The following PRKG1 variants were observed in gnomAD, a reference collection of about 807,000 sequenced individuals.
PRKG1 encodes protein kinase cGMP-dependent 1.
Under a neutral mutation model 88.1 loss-of-function variants are expected in PRKG1, and 35 were observed. The observed-to-expected ratio is 0.40, with a 90% confidence interval of 0.30 to 0.53. The LOEUF (loss-of-function observed/expected upper bound fraction) is 0.53, where lower values mean the gene tolerates loss of function less well. Ranked by LOEUF, PRKG1 falls within the 20% of genes least tolerant of loss-of-function variation. PRKG1 has a pLI of 0.59. For missense variants in PRKG1, 540 were observed against 839.8 expected, an observed-to-expected ratio of 0.64 and a Z score of 4.41; for synonymous variants, 303 against 292.5, an observed-to-expected ratio of 1.04 and a Z score of -0.37.
intron 3 of PRKG1, among the ~76,000 whole-genome samples, chr10:51,596,107 G>A (rs137942730): frequency 0.011 from 1,748 of 152,268 alleles, 19 homozygotes; most frequent in Non-Finnish European, 0.019. Context: ...GGGATTACAG[G>A]CGTGAGTCAC....
intron 2 of PRKG1, among the ~76,000 whole-genome samples, chr10:51,256,836 A>G (rs1228207105): frequency 6.6e-6 from 1 of 152,136 alleles, no homozygotes; most frequent in Non-Finnish European, 1.5e-5. Context: ...AAGACGTTGG[A>G]CTATGGGGGA....
intron 2 of PRKG1, among the ~76,000 whole-genome samples, chr10:51,179,790 C>A (rs1837297379): frequency 6.6e-6 from 1 of 152,106 alleles, no homozygotes; most frequent in East Asian, 1.9e-4. Context: ...GCCAAAAGTT[C>A]CAGTGCTTGT....
At chr10:52,031,814 G>A (rs947692419) in intron 5 of PRKG1, among the ~76,000 whole-genome samples, 4 of 152,152 alleles carry the variant, frequency 2.6e-5, no homozygotes, top group Non-Finnish European at 5.9e-5. Context: ...CTATGTTAAG[G>A]ATGATCTTTA....
chr10:51,146,017 A>AACAAACG (rs1845938670), intron 1 of PRKG1, among the ~76,000 whole-genome samples: 5 of 151,556 alleles, frequency 3.3e-5, no homozygotes, highest in Admixed American at 2.0e-4. Flanking sequence ...AAATACGAAA[A>AACAAACG]AACAAACAAA....
intron 5 of PRKG1, among the ~76,000 whole-genome samples, chr10:52,013,631 T>G (rs935941759): frequency 2.0e-5 from 3 of 152,198 alleles, no homozygotes; most frequent in African/African-American, 7.2e-5. Flanking sequence ...GAGTCTGATT[T>G]GCTTTGAGCA....
At chr10:52,292,559 G>C (rs1019029941) in intron 17 of PRKG1, among the ~76,000 whole-genome samples, 13 of 148,324 alleles carry the variant, frequency 8.8e-5, no homozygotes, top group African/African-American at 1.2e-4. Flanking sequence ...GTTTGTCAAA[G>C]ATCAGATAGT....
chr10:51,194,225 CT>C (rs74554781), intron 2 of PRKG1, among the ~76,000 whole-genome samples: 11 of 148,032 alleles, frequency 7.4e-5, no homozygotes, highest in South Asian at 2.2e-4. Flanking sequence ...CAAGGTTCAA[CT>C]TTTTTTTTAG....
intron 4 of PRKG1, among the ~76,000 whole-genome samples, chr10:51,895,551 G>A (rs983589401): frequency 8.5e-5 from 13 of 152,138 alleles, no homozygotes; most frequent in African/African-American, 3.1e-4. Context: ...GATTTTGGTA[G>A]ACAAAGCTTG....
intron 3 of PRKG1, among the ~76,000 whole-genome samples, chr10:51,556,775 T>C (rs182895294): frequency 6.6e-6 from 1 of 152,144 alleles, no homozygotes; most frequent in East Asian, 1.9e-4. Flanking sequence ...TTGGGTACTA[T>C]GGTCACTACC....
intron 3 of PRKG1, among the ~76,000 whole-genome samples, chr10:51,737,383 C>T (rs1460861248): frequency 6.6e-6 from 1 of 152,178 alleles, no homozygotes; most frequent in Non-Finnish European, 1.5e-5. Flanking sequence ...TTGAAAATGC[C>T]TATTATCTAC....
intron 3 of PRKG1, among the ~76,000 whole-genome samples, chr10:51,688,798 T>G (rs1356515931): frequency 6.6e-6 from 1 of 152,082 alleles, no homozygotes; most frequent in African/African-American, 2.4e-5. Context: ...TCAATCTATA[T>G]AAAACAAAAA....
In PRKG1 at chr10:51,202,515, A is replaced by C. The variant is rs575772327; in HGVS notation, c.478+49185A>C. On this transcript the variant is annotated intron_variant, in intron 2 of 17. Transcript: ENST00000373980. ...TTCCTATCTCAGGCTTTGCCTCAAGAAAACCCCATTTTAGACAGATATACA... is the reference window on the plus strand; with the variant it reads ...TTCCTATCTCAGGCTTTGCCTCAAGCAAACCCCATTTTAGACAGATATACA... 2.0e-5 allele frequency among the ~76,000 whole-genome samples: 3 copies of C among 152,336 alleles called. No homozygotes were observed. The East Asian group carries it at 5.8e-4, about 29-fold the overall frequency.
At chr10:51,409,804 A>C (rs994983456) in intron 2 of PRKG1, among the ~76,000 whole-genome samples, 2 of 132,668 alleles carry the variant, frequency 1.5e-5, no homozygotes, top group Non-Finnish European at 3.1e-5. Context: ...CAGTGATTGG[A>C]GATTGTGCCA....
intron 3 of PRKG1, among the ~76,000 whole-genome samples, chr10:51,768,998 C>T (rs1838238842): frequency 6.6e-6 from 1 of 152,128 alleles, no homozygotes; most frequent in African/African-American, 2.4e-5. Flanking sequence ...GGATAAAAAC[C>T]TAGGACAAAG....
chr10:51,871,036 G>C (rs766625641), intron 4 of PRKG1, among the ~76,000 whole-genome samples: 1 of 152,222 alleles, frequency 6.6e-6, no homozygotes, highest in Non-Finnish European at 1.5e-5. Flanking sequence ...GAAGGTAATT[G>C]TTTACTATAC....
At chr10:52,047,898 T>G (rs1845901215) in intron 5 of PRKG1, among the ~76,000 whole-genome samples, 1 of 152,282 alleles carries the variant, frequency 6.6e-6, no homozygotes, top group South Asian at 2.1e-4. Flanking sequence ...GTACAAACCA[T>G]GACCCAAGAT....
intron 3 of PRKG1, among the ~76,000 whole-genome samples, chr10:51,472,664 A>G (rs897503615): frequency 3.6e-4 from 54 of 151,966 alleles, no homozygotes; most frequent in Non-Finnish European, 3.8e-4. Context: ...ATGAAGTATT[A>G]GATTTATGAT....
intron 8 of PRKG1, among the ~76,000 whole-genome samples, chr10:52,139,622 G>A (rs1371714275): frequency 6.6e-6 from 1 of 152,056 alleles, no homozygotes; most frequent in African/African-American, 2.4e-5. Context: ...GTGCCAAATG[G>A]GATAGAAATA....
At chr10:51,776,876 A>G (rs138440037) in intron 3 of PRKG1, among the ~76,000 whole-genome samples, 35 of 152,220 alleles carry the variant, frequency 2.3e-4, no homozygotes, top group Middle Eastern at 3.4e-3. Flanking sequence ...AGAAGACTAT[A>G]TGATGAGGCA....
Sources: allele counts gnomAD v4.1 joint callset (sites outside exome capture counted in the v4.1 genomes callset), GRCh38; gene constraint gnomAD v4.1.1; transcripts MANE v1.5; gene names NCBI Gene and HGNC (gene_info 2026-07-23, HGNC 2026-07-21).